The following MYT1L variants were observed in gnomAD, a reference collection of about 807,000 sequenced individuals.
MYT1L encodes myelin transcription factor 1 like, also known as myelin transcription factor 1-like protein.
A neutral mutation model predicts 126.7 loss-of-function variants in MYT1L; 12 were observed. That is an observed-to-expected ratio of 0.09 (90% CI 0.06 to 0.15). The LOEUF is 0.15. MYT1L is among the 10% of genes least tolerant of loss of function. The pLI is 1.00. For missense variants in MYT1L, 979 were observed against 1,585.2 expected (o/e 0.62, Z 6.49); for synonymous variants, 541 against 604.2 (o/e 0.90, Z 1.53).
intron 21 of MYT1L, 150 bp downstream of exon 21, chr2:1,838,999 T>G: frequency 1.4e-6 from 1 of 729,292 alleles, no homozygotes; most frequent in Non-Finnish European, 2.2e-6. Context: ...AACCCTTGAA[T>G]TTTGTTAGGT....
chr2:2,104,808 G>T (rs2078546952), intron 3 of MYT1L, among the ~76,000 whole-genome samples: 1 of 152,208 alleles, frequency 6.6e-6, no homozygotes, highest in Non-Finnish European at 1.5e-5. Context: ...GGGAGGGCAG[G>T]AGGGAAGTTT....
At chr2:2,184,581 TAC>T (rs933538635) in intron 2 of MYT1L, among the ~76,000 whole-genome samples, 4 of 152,212 alleles carry the variant, frequency 2.6e-5, no homozygotes, top group African/African-American at 7.2e-5. Context: ...AAAAATATCC[TAC>T]ACTCCAATTT....
At chr2:1,981,863 C>T (rs1283581048) in intron 5 of MYT1L, among the ~76,000 whole-genome samples, 2 of 152,140 alleles carry the variant, frequency 1.3e-5, no homozygotes, top group African/African-American at 4.8e-5. Flanking sequence ...TTAGTCCCAT[C>T]GTCAGCCAAT....
At chr2:1,923,345 A>G in intron 9 of MYT1L, 82 bp from the exon 10 acceptor site, 1 of 1,160,234 alleles carries the variant, frequency 8.6e-7, no homozygotes, top group Non-Finnish European at 1.2e-6. Flanking sequence ...AACAGCATGG[A>G]TAGCACGTTA....
At chr2:1,966,588 T>C (rs2059377876) in intron 8 of MYT1L, among the ~76,000 whole-genome samples, 1 of 152,100 alleles carries the variant, frequency 6.6e-6, no homozygotes, top group African/African-American at 2.4e-5. Context: ...GACACAAACA[T>C]TGTCTGCAAA....
intron 2 of MYT1L, among the ~76,000 whole-genome samples, chr2:2,227,116 G>T (rs1421818101): frequency 6.6e-6 from 1 of 152,086 alleles, no homozygotes; most frequent in Admixed American, 6.5e-5. Flanking sequence ...CCACCCTGGG[G>T]ATGCGCTGTC....
chr2:2,011,132 T>C (rs2063778416), intron 4 of MYT1L, among the ~76,000 whole-genome samples: 1 of 152,202 alleles, frequency 6.6e-6, no homozygotes, highest in African/African-American at 2.4e-5. Flanking sequence ...CTCATGCCTG[T>C]CATCCCAGCA....
At chr2:2,171,625 C>CGTTGTTGTTGTT (rs150031496) in intron 3 of MYT1L, among the ~76,000 whole-genome samples, 1 of 151,882 alleles carries the variant, frequency 6.6e-6, no homozygotes, top group African/African-American at 2.4e-5. Flanking sequence ...TTGTCGTCGT[C>CGTTGTTGTTGTT]GTTGTTGTTG....
chr2:2,162,920 C>G (rs1388615442), intron 3 of MYT1L, among the ~76,000 whole-genome samples: 1 of 152,186 alleles, frequency 6.6e-6, no homozygotes, highest in Non-Finnish European at 1.5e-5. Flanking sequence ...ACCCTGTGAC[C>G]TCTTGATCTG....
rs559147889 is a variant in MYT1L at position 2,097,203 on chromosome 2, A to G, written c.-303-43080T>C. On this transcript the variant is annotated intron_variant, in intron 3 of 24. Coordinates refer to ENST00000647738, the MANE Select transcript of MYT1L (RefSeq NM_001303052.2). ...TCCCAGGTGACCGAGGCGCTGCAGC[A>G]GGAACTCCCTCTGCTTCTCCCCTCT... Among the ~76,000 whole-genome samples, 27 of 152,286 alleles carry G rather than the reference A, an allele frequency of 1.8e-4. No homozygotes were observed. In the South Asian group the frequency reaches 5.4e-3, roughly 30 times the overall value.
intron 8 of MYT1L, among the ~76,000 whole-genome samples, chr2:1,966,697 G>A (rs945956526): frequency 6.6e-6 from 1 of 151,766 alleles, no homozygotes; most frequent in African/African-American, 2.4e-5. Context: ...ACAGCCACAG[G>A]ATGAAAGCCA....
At chr2:2,237,572 C>T (rs1862112) in intron 2 of MYT1L, among the ~76,000 whole-genome samples, 73,379 of 151,998 alleles carry the variant, frequency 0.48, 18,192 homozygotes, top group East Asian at 0.64. Context: ...AGACTTTCCT[C>T]TCATGGCCTC....
At chr2:2,287,197 G>A (rs1049981557) in intron 1 of MYT1L, among the ~76,000 whole-genome samples, 4 of 152,084 alleles carry the variant, frequency 2.6e-5, no homozygotes, top group African/African-American at 7.2e-5. Flanking sequence ...CAGAGGTTGC[G>A]TGAGCAGAGG....
intron 10 of MYT1L, among the ~76,000 whole-genome samples, chr2:1,919,248 G>A (rs1017042020): frequency 1.3e-5 from 2 of 152,256 alleles, no homozygotes; most frequent in Middle Eastern, 3.4e-3. Context: ...GTCTCCTCTC[G>A]ATGCATGAGG....
rs1295896113 is a variant in MYT1L, at chr2:1,800,677, C to T, written c.3276+1019G>A. 2.0e-5 allele frequency among the ~76,000 whole-genome samples: 3 copies of T among 152,342 alleles called. No individual in the cohort carries two copies. In the East Asian group the frequency reaches 5.8e-4, roughly 29 times the overall value. ...TATGGGAAAGGCCCTCAACCTTCCC[C>T]AGCCTCAACCTCTGCATTTACAGAG... On this transcript the variant is annotated intron_variant, in intron 23 of 24. Coordinates refer to ENST00000647738, the MANE Select transcript of MYT1L (RefSeq NM_001303052.2).
intron 2 of MYT1L, among the ~76,000 whole-genome samples, chr2:2,262,364 A>AAAAC (rs900740084): frequency 2.2e-4 from 33 of 152,168 alleles, no homozygotes; most frequent in African/African-American, 6.0e-4. Context: ...ACTCCGTCTC[A>AAAAC]AAACAAACAA....
At chr2:1,832,437 T>C (rs201040316) in intron 21 of MYT1L, among the ~76,000 whole-genome samples, 1 of 152,242 alleles carries the variant, frequency 6.6e-6, no homozygotes, top group East Asian at 1.9e-4. Flanking sequence ...CATTCTTTCC[T>C]TGTGTTCCCA....
chr2:2,099,634 T>A (rs1346120004), intron 3 of MYT1L, among the ~76,000 whole-genome samples: 2 of 152,188 alleles, frequency 1.3e-5, no homozygotes, highest in Non-Finnish European at 2.9e-5. Context: ...CTTAGCAACA[T>A]CCTTTTTGAT....
intron 3 of MYT1L, among the ~76,000 whole-genome samples, chr2:2,065,953 T>C (rs1016349679): frequency 6.6e-6 from 1 of 151,964 alleles, no homozygotes; most frequent in Non-Finnish European, 1.5e-5. Flanking sequence ...AAAATTCTGA[T>C]GTTTTCTAGG....
Sources: allele counts gnomAD v4.1 joint callset (sites outside exome capture counted in the v4.1 genomes callset), GRCh38; gene constraint gnomAD v4.1.1; transcripts MANE v1.5; gene names NCBI Gene and HGNC (gene_info 2026-07-23, HGNC 2026-07-21).